Variants in ADCY2 observed in about 807,000 individuals in gnomAD.
The protein encoded by ADCY2 is adenylate cyclase type 2.
Under a neutral mutation model 125.2 loss-of-function variants are expected in ADCY2, and 31 were observed. The observed-to-expected ratio is 0.25, with a 90% CI of 0.19 to 0.33. ADCY2 has a LOEUF of 0.33. ADCY2 is among the 10% of genes least tolerant of loss of function. The probability of loss-of-function intolerance (pLI) is 1.00; values close to 1 mark genes in which losing one functional copy is unlikely to be tolerated. For synonymous variants in ADCY2, 512 were observed against 548.4 expected (o/e 0.93, Z 0.93); for missense variants, 904 against 1,418.2 (o/e 0.64, Z 5.82).
intron 2 of ADCY2, among the ~76,000 whole-genome samples, chr5:7,445,743 T>C (rs1741224176): frequency 6.6e-6 from 1 of 152,240 alleles, no homozygotes; most frequent in Admixed American, 6.5e-5. Context: ...TCAATTATTT[T>C]ATTATGTAAA....
chr5:7,519,893 G>A (rs1744381194), intron 2 of ADCY2, among the ~76,000 whole-genome samples: 1 of 152,156 alleles, frequency 6.6e-6, no homozygotes, highest in Non-Finnish European at 1.5e-5. Flanking sequence ...GATATTTGAT[G>A]TAAAAGGAAT....
chr5:7,773,191 T>C (rs920782708), intron 18 of ADCY2, 90 bp downstream of exon 18: 13 of 1,270,718 alleles, frequency 1.0e-5, no homozygotes, highest in African/African-American at 7.5e-5. Context: ...AAGTTAGCGA[T>C]GTCATTGTCA....
intron 2 of ADCY2, among the ~76,000 whole-genome samples, chr5:7,432,521 C>A: frequency 6.6e-6 from 1 of 152,210 alleles, no homozygotes; most frequent in Admixed American, 6.5e-5. Flanking sequence ...ACCCGCTCAC[C>A]TTCGTGCTCC....
At chr5:7,590,492 A>C (rs1378306359) in intron 3 of ADCY2, among the ~76,000 whole-genome samples, 1 of 152,206 alleles carries the variant, frequency 6.6e-6, no homozygotes, top group Non-Finnish European at 1.5e-5. Context: ...TCTTTATCCA[A>C]AACCATATTT....
At chr5:7,397,441 G>C (rs1198706962) in intron 1 of ADCY2, among the ~76,000 whole-genome samples, 2 of 123,738 alleles carry the variant, frequency 1.6e-5, no homozygotes, top group Admixed American at 1.7e-4. Flanking sequence ...TTATCCACCA[G>C]TGAGTTTTTT....
chr5:7,399,090 T>A (rs556695681), intron 1 of ADCY2, among the ~76,000 whole-genome samples: 1 of 152,348 alleles, frequency 6.6e-6, no homozygotes, highest in South Asian at 2.1e-4. Flanking sequence ...GTTTCCATGC[T>A]GGAGCACTTT....
intron 2 of ADCY2, among the ~76,000 whole-genome samples, chr5:7,437,255 C>T (rs188066233): frequency 7.2e-5 from 11 of 152,332 alleles, no homozygotes; most frequent in Admixed American, 7.2e-4. Context: ...CAAGCTACTA[C>T]AGAGCTATGT....
chr5:7,808,653 C>T (rs576675929), intron 22 of ADCY2, among the ~76,000 whole-genome samples: 31 of 152,290 alleles, frequency 2.0e-4, no homozygotes, highest in African/African-American at 6.3e-4. Context: ...TCCAGAGCTC[C>T]ACATGGCAGC....
intron 4 of ADCY2, among the ~76,000 whole-genome samples, chr5:7,641,162 A>G (rs16878877): frequency 0.011 from 1,690 of 152,272 alleles, 35 homozygotes; most frequent in African/African-American, 0.039. Flanking sequence ...AGGGACCCAG[A>G]CACTCTATGA....
intron 4 of ADCY2, among the ~76,000 whole-genome samples, chr5:7,688,262 ATT>A (rs1304160562): frequency 9.3e-6 from 1 of 107,702 alleles, no homozygotes; most frequent in Non-Finnish European, 1.8e-5. Context: ...AGATCTCCTG[ATT>A]TTTTTTGTTG....
At chr5:7,505,093 A>G (rs999115500) in intron 2 of ADCY2, among the ~76,000 whole-genome samples, 2 of 151,906 alleles carry the variant, frequency 1.3e-5, no homozygotes, top group Non-Finnish European at 2.9e-5. Context: ...CATATTACCC[A>G]GGCTGGTCTC....
chr5:7,548,009 C>T (rs1735203800), intron 3 of ADCY2, among the ~76,000 whole-genome samples: 1 of 152,190 alleles, frequency 6.6e-6, no homozygotes, highest in African/African-American at 2.4e-5. Context: ...TTCTGGGAAC[C>T]CCATATTCTC....
intron 15 of ADCY2, among the ~76,000 whole-genome samples, chr5:7,748,533 C>CACAG (rs1560941162): frequency 1.3e-5 from 1 of 74,144 alleles, no homozygotes; most frequent in East Asian, 6.6e-4. Flanking sequence ...CACACACACA[C>CACAG]ACACACACAC....
chr5:7,800,947 G>C (rs1362222460), intron 20 of ADCY2: 1 of 152,188 alleles, frequency 6.6e-6, no homozygotes, highest in Non-Finnish European at 1.5e-5. Context: ...CAATCATATT[G>C]AGCACAAAAT....
At chr5:7,736,364 T>C (rs73737622) in intron 14 of ADCY2, among the ~76,000 whole-genome samples, 2,569 of 152,356 alleles carry the variant, frequency 0.017, 30 homozygotes, top group Middle Eastern at 0.1. Flanking sequence ...ATATTTTTCA[T>C]TTCTTCTTTA....
rs113227937 is a variant in ADCY2 at position 7,695,708 on chromosome 5, A to G, written c.870-44A>G. ...TTATTATTACTTTCTTAAAAAATGTATAAACTGGAAAACTCTGTCTCCTCA... is the reference window on the plus strand; with the variant it reads ...TTATTATTACTTTCTTAAAAAATGTGTAAACTGGAAAACTCTGTCTCCTCA... On this transcript the variant is annotated intron_variant, in intron 5 of 24. Coordinates refer to ENST00000338316, the MANE Select transcript of ADCY2 (RefSeq NM_020546.3). The G allele has an allele frequency of 1.7e-3, 2,021 of 1,214,064 alleles. 26 individuals carry two copies. The African/African-American group carries it at 0.029, about 17-fold the overall frequency. 75.2% of individuals were successfully genotyped at this position (1,214,064 alleles called of 1,614,324 possible).
At position 7,557,135 on chromosome 5, in the gene ADCY2, T is replaced by TTATATATATATATATATATATATA. The variant is rs60652060; in HGVS notation, c.570+36250_570+36251insTATATATATATATATATATATATA. 5.0e-3 allele frequency among the ~76,000 whole-genome samples: 387 copies of TTATATATATATATATATATATATA among 77,460 alleles called. 3 individuals are homozygous for TTATATATATATATATATATATATA. Among genetic ancestry groups the TTATATATATATATATATATATATA allele is most frequent in the African/African-American group, 0.013 (369 of 29,264 alleles). 50.8% of individuals were successfully genotyped at this position (77,460 alleles called of 152,430 possible). On this transcript the variant is annotated intron_variant, in intron 3 of 24. Transcript: ENST00000338316. Reference sequence around the variant, plus strand: ...CTATAAATCATGAAGCAAAAACAGTTTATATATATATATAAACTTTATAGA... The same window carrying TTATATATATATATATATATATATA: ...CTATAAATCATGAAGCAAAAACAGTTTATATATATATATATATATATATATATATATATATATAAACTTTATAGA...
intron 18 of ADCY2, among the ~76,000 whole-genome samples, chr5:7,783,613 G>A (rs539460407): frequency 3.3e-5 from 5 of 152,272 alleles, no homozygotes; most frequent in African/African-American, 1.2e-4. Context: ...CATCGATGCT[G>A]CTTATGTGAC....
intron 2 of ADCY2, among the ~76,000 whole-genome samples, chr5:7,465,659 G>A (rs918935710): frequency 1.3e-5 from 2 of 152,146 alleles, no homozygotes; most frequent in Non-Finnish European, 2.9e-5. Context: ...TTTTACTGAG[G>A]TGTTACTTAT....
Sources: gnomAD v4.1 joint callset for allele counts (sites outside exome capture counted in the v4.1 genomes callset) on GRCh38, gnomAD v4.1.1 for gene constraint, MANE v1.5 for transcripts, NCBI Gene and HGNC (gene_info 2026-07-23, HGNC 2026-07-21) for gene names.